The following GAK variants were observed in gnomAD, a reference collection of about 807,000 sequenced individuals.
The protein encoded by GAK is cyclin-G-associated kinase.
GAK carries 79 observed loss-of-function variants against 143.9 expected under a neutral mutation model. That is an observed-to-expected ratio of 0.55 (90% CI 0.46 to 0.66). The LOEUF is 0.66. GAK is among the 30% of genes least tolerant of loss of function. GAK has a pLI of 0.00. For missense variants in GAK, 1,693 were observed against 1,779.7 expected (o/e 0.95, Z 0.88); for synonymous variants, 881 against 765.5 (o/e 1.15, Z -2.49).
intron 16 of GAK, among the ~76,000 whole-genome samples, 200 bp downstream of exon 16, chr4:877,415 T>G (rs1560334923): frequency 6.6e-6 from 1 of 151,918 alleles, no homozygotes. Context: ...AGGATCCCAT[T>G]CTCAAGTCTC....
intron 1 of GAK, among the ~76,000 whole-genome samples, chr4:922,106 C>T (rs938077358): frequency 2.0e-5 from 3 of 152,146 alleles, no homozygotes; most frequent in African/African-American, 4.8e-5. Context: ...TATGCGGAGA[C>T]GGGCCCTCAA....
intron 10 of GAK, 56 bp from the exon 11 acceptor site, chr4:889,026 T>G (rs1288751473): frequency 1.9e-6 from 3 of 1,540,422 alleles, no homozygotes; most frequent in Non-Finnish European, 2.6e-6. Context: ...CCTCCCCAGG[T>G]GCGGGTTGCT....
intron 1 of GAK, among the ~76,000 whole-genome samples, chr4:930,063 T>C (rs1361308276): frequency 6.6e-6 from 1 of 152,238 alleles, no homozygotes; most frequent in Admixed American, 6.5e-5. Flanking sequence ...ATTCTGGAAG[T>C]GTAAACATCT....
chr4:865,865 T>C, intron 22 of GAK, among the ~76,000 whole-genome samples: 1 of 152,238 alleles, frequency 6.6e-6, no homozygotes, highest in East Asian at 1.9e-4. Context: ...TCCCAGGGCC[T>C]GGCCCCACCG....
intron 1 of GAK, among the ~76,000 whole-genome samples, chr4:923,182 G>A (rs918309731): frequency 6.6e-6 from 1 of 152,124 alleles, no homozygotes; most frequent in Non-Finnish European, 1.5e-5. Context: ...GTCACCACTG[G>A]GGAAACCAGG....
intron 11 of GAK, 81 bp from the exon 12 acceptor site, chr4:884,167 G>T: frequency 8.1e-7 from 1 of 1,241,972 alleles, no homozygotes; most frequent in Non-Finnish European, 1.2e-6. Flanking sequence ...AGAGCCCGAG[G>T]CCTGGAGAAG....
In GAK at chr4:918,891, G is replaced by A. The variant is rs58632803; in HGVS notation, c.146-5223C>T. ...GACAGAAGGCTCCAAAGGCCTCAGCGCCCCATGACCTTAGAAAGACAGAAG... is the reference window on the plus strand; with the variant it reads ...GACAGAAGGCTCCAAAGGCCTCAGCACCCCATGACCTTAGAAAGACAGAAG... On this transcript the variant is annotated intron_variant, in intron 1 of 27. Transcript: ENST00000314167. 2.2e-3 allele frequency among the ~76,000 whole-genome samples: 284 copies of A among 128,036 alleles called. 3 individuals carry two copies. The highest frequency in any genetic ancestry group is 7.7e-3 in the African/African-American group (270 of 34,994). The allele number at this position is 128,036 out of a possible 152,430, so 84.0% of individuals were successfully genotyped here.
At position 849,865 on chromosome 4, in the gene GAK, A is replaced by G. The variant is rs557069800; in HGVS notation, c.3834+27T>C. The G allele has an allele frequency of 2.8e-6, 4 of 1,436,908 alleles. No homozygotes were observed. In the East Asian group the frequency reaches 9.7e-5, roughly 35 times the overall value. The allele number at this position is 1,436,908 out of a possible 1,614,324, so 89.0% of individuals were successfully genotyped here. A position where few individuals can be genotyped will look rare whatever the true frequency, so the allele number is the denominator to read the frequency against. On this transcript the variant is annotated intron_variant, in intron 27 of 27. Transcript: ENST00000314167. Reference sequence around the variant, plus strand: ...CCCCCGCCCCGCCCCTGAAGGCCTCAAGCGGCCGCCTGGCAGCTCTGCTCA... The same window carrying G: ...CCCCCGCCCCGCCCCTGAAGGCCTCGAGCGGCCGCCTGGCAGCTCTGCTCA...
At chr4:905,430 C>T (rs1720882939) in intron 4 of GAK, among the ~76,000 whole-genome samples, 2 of 151,524 alleles carry the variant, frequency 1.3e-5, no homozygotes, top group Non-Finnish European at 2.9e-5. Flanking sequence ...ACGCTACAGA[C>T]TCTGCCACGC....
rs745901351 is a variant in GAK at position 849,671 on chromosome 4, C to A, written c.*2G>T. The A allele has an allele frequency of 7.5e-6, 12 of 1,609,912 alleles. No homozygotes were observed. The Admixed American group carries it at 2.0e-4, about 27-fold the overall frequency. Reference sequence around the variant, plus strand: ...GTGTGCGCAGCCACCACCACTGCGGCCTCAGAAGAGGGGCCGGGAGCCCTG... The same window carrying A: ...GTGTGCGCAGCCACCACCACTGCGGACTCAGAAGAGGGGCCGGGAGCCCTG... On this transcript the variant is annotated 3_prime_UTR_variant, in exon 28 of 28. Coordinates refer to ENST00000314167, the MANE Select transcript of GAK (RefSeq NM_005255.4).
intron 1 of GAK, among the ~76,000 whole-genome samples, chr4:915,918 T>A (rs921057038): frequency 6.6e-6 from 1 of 152,162 alleles, no homozygotes; most frequent in African/African-American, 2.4e-5. Flanking sequence ...AGGAGTAAAA[T>A]TATTTTTATC....
intron 24 of GAK, among the ~76,000 whole-genome samples, chr4:856,007 T>C (rs1414825754): frequency 6.6e-6 from 1 of 152,154 alleles, no homozygotes; most frequent in Non-Finnish European, 1.5e-5. Flanking sequence ...GGAGACAGGG[T>C]CTTGCTCTGC....
chr4:931,614 C>T (rs1378668004), intron 1 of GAK, among the ~76,000 whole-genome samples: 6 of 152,166 alleles, frequency 3.9e-5, no homozygotes, highest in Non-Finnish European at 8.8e-5. Context: ...CCTCCTGACT[C>T]CAGCTGTCGG....
At chr4:906,131 A>C (rs573606398) in intron 4 of GAK, among the ~76,000 whole-genome samples, 1 of 152,318 alleles carries the variant, frequency 6.6e-6, no homozygotes, top group South Asian at 2.1e-4. Flanking sequence ...CCAGCAGCCG[A>C]GGTGGCAAGC....
chr4:914,641 C>T (rs1405116248), intron 1 of GAK, among the ~76,000 whole-genome samples: 3 of 105,856 alleles, frequency 2.8e-5, no homozygotes, highest in Admixed American at 2.0e-4. Context: ...TCAGCCCTAG[C>T]GTGCACGGCC....
chr4:860,924 T>C (rs4690339), intron 23 of GAK, among the ~76,000 whole-genome samples: 26,038 of 152,286 alleles, frequency 0.17, 2,413 homozygotes, highest in South Asian at 0.31. Flanking sequence ...GCACGCCATG[T>C]GCACTCTGTG....
At chr4:908,471 T>A (rs1196933406) in intron 4 of GAK, among the ~76,000 whole-genome samples, 1 of 152,140 alleles carries the variant, frequency 6.6e-6, no homozygotes, top group Non-Finnish European at 1.5e-5. Context: ...AAGACCAGCC[T>A]GGGCAACACA....
chr4:932,202 C>G lies in GAK; in HGVS notation c.-15G>C. ...AGCAGCGACATGGCGGTGGCTGCGC[C>G]GCACCCCGCGGCAGCCGGAGTGGTC... On this transcript the variant is annotated 5_prime_UTR_variant, in exon 1 of 28. Coordinates refer to ENST00000314167, the MANE Select transcript of GAK (RefSeq NM_005255.4). This position sits in a 1 kb window ranked among gnomAD's most constrained non-coding sequence, Gnocchi z 4.0. 1.3e-6 allele frequency: 2 copies of G among 1,523,906 alleles called. No individual in the cohort carries two copies. The highest frequency in any genetic ancestry group is 2.7e-5 in the East Asian group (1 of 37,540). 94.4% of individuals were successfully genotyped at this position (1,523,906 alleles called of 1,614,324 possible). A position where few individuals can be genotyped will look rare whatever the true frequency, so the allele number is the denominator to read the frequency against.
intron 1 of GAK, among the ~76,000 whole-genome samples, chr4:920,783 C>A (rs1339985696): frequency 6.6e-6 from 1 of 151,970 alleles, no homozygotes; most frequent in Non-Finnish European, 1.5e-5. Context: ...ACCTCATGAT[C>A]CCCCTGCCTC....
Sources: allele counts gnomAD v4.1 joint callset (sites outside exome capture counted in the v4.1 genomes callset), GRCh38; gene constraint gnomAD v4.1.1; non-coding constraint Gnocchi (gnomAD v3.1); transcripts MANE v1.5; gene names NCBI Gene and HGNC (gene_info 2026-07-23, HGNC 2026-07-21).